The following FNBP1L variants were observed in gnomAD, a reference collection of about 807,000 sequenced individuals.
FNBP1L encodes the protein formin binding protein 1 like, also known as formin-binding protein 1-like.
In FNBP1L, 36 loss-of-function variants were observed where a neutral mutation model predicts 91.2. The observed-to-expected ratio is 0.39, with a 90% CI of 0.30 to 0.52. The LOEUF (loss-of-function observed/expected upper bound fraction) is 0.52. Among genes scored for constraint, FNBP1L ranks in the 20% least tolerant of loss-of-function variants. The probability of loss-of-function intolerance (pLI) is 0.66; values close to 1 mark genes in which losing one functional copy is unlikely to be tolerated. For missense variants in FNBP1L, 571 were observed against 732.1 expected (o/e 0.78, Z 2.54); for synonymous variants, 242 against 237.0 (o/e 1.02, Z -0.19).
chr1:93,475,707 AC>A (rs1220588497), intron 1 of FNBP1L, among the ~76,000 whole-genome samples: 4 of 152,216 alleles, frequency 2.6e-5, no homozygotes, highest in African/African-American at 7.2e-5. Flanking sequence ...AATTAACATA[AC>A]TTGTAAAGGA....
At chr1:93,511,584 G>A (rs1344936126) in intron 2 of FNBP1L, among the ~76,000 whole-genome samples, 1 of 152,082 alleles carries the variant, frequency 6.6e-6, no homozygotes, top group Non-Finnish European at 1.5e-5. Flanking sequence ...CATAATGACA[G>A]GATCAAATTC....
chr1:93,498,854 A>C (rs1310219167), intron 1 of FNBP1L, among the ~76,000 whole-genome samples: 4 of 152,182 alleles, frequency 2.6e-5, no homozygotes, highest in Non-Finnish European at 5.9e-5. Flanking sequence ...TGGGACTTCC[A>C]TTTTAAGATG....
intron 3 of FNBP1L, among the ~76,000 whole-genome samples, chr1:93,522,672 G>A (rs560072023): frequency 6.6e-6 from 1 of 152,262 alleles, no homozygotes; most frequent in African/African-American, 2.4e-5. Flanking sequence ...ATAATTGTCA[G>A]TTGTTAGGAT....
intron 1 of FNBP1L, among the ~76,000 whole-genome samples, chr1:93,461,712 A>G (rs1668871829): frequency 6.6e-6 from 1 of 152,248 alleles, no homozygotes; most frequent in African/African-American, 2.4e-5. Context: ...AAGAAGAGGA[A>G]TAGGTATAAG....
intron 1 of FNBP1L, among the ~76,000 whole-genome samples, chr1:93,465,718 C>T (rs1336168199): frequency 2.6e-5 from 4 of 152,146 alleles, no homozygotes; most frequent in Non-Finnish European, 5.9e-5. Flanking sequence ...GGTATATACC[C>T]AGTAATGGGA....
chr1:93,449,123 C>CTCCTT (rs1188799802), intron 1 of FNBP1L, among the ~76,000 whole-genome samples: 1 of 152,260 alleles, frequency 6.6e-6, no homozygotes, highest in Non-Finnish European at 1.5e-5. Flanking sequence ...CCTTCGTTCT[C>CTCCTT]TCCTTTCCTT....
At chr1:93,534,637 A>G (rs1671786977) in intron 8 of FNBP1L, 68 bp from the exon 9 acceptor site, 2 of 1,034,388 alleles carry the variant, frequency 1.9e-6, no homozygotes, top group East Asian at 5.2e-5. Flanking sequence ...GTACTGAAAA[A>G]GTTATGAAAG....
intron 1 of FNBP1L, among the ~76,000 whole-genome samples, chr1:93,456,214 T>A (rs1668651758): frequency 6.6e-6 from 1 of 152,220 alleles, no homozygotes; most frequent in Non-Finnish European, 1.5e-5. Flanking sequence ...ATGTAAAGTG[T>A]CCATGTTGAA....
chr1:93,499,013 A>G (rs1670357508), intron 1 of FNBP1L, among the ~76,000 whole-genome samples: 1 of 152,194 alleles, frequency 6.6e-6, no homozygotes, highest in Non-Finnish European at 1.5e-5. Context: ...CATGGTGCTT[A>G]GGCTGTGGGG....
At chr1:93,448,489 G>T (rs1005951311) in intron 1 of FNBP1L, among the ~76,000 whole-genome samples, 184 bp downstream of exon 1, 13 of 152,186 alleles carry the variant, frequency 8.5e-5, no homozygotes, top group South Asian at 2.1e-4. Flanking sequence ...CGGGGGTCTA[G>T]GGGGCCGCTA....
chr1:93,452,668 GTCCT>G (rs1557770687), intron 1 of FNBP1L, among the ~76,000 whole-genome samples: 1 of 152,112 alleles, frequency 6.6e-6, no homozygotes, highest in Admixed American at 6.5e-5. Context: ...CTCCACAATC[GTCCT>G]TCCTTAAGCT....
At position 93,550,949 on chromosome 1, in the gene FNBP1L, C is replaced by A. The variant is rs766231347; in HGVS notation, c.1654C>A (p.His552Asn). The A allele has an allele frequency of 3.2e-6, 5 of 1,576,462 alleles. No homozygotes were observed. The highest frequency in any genetic ancestry group is 4.3e-6 in the Non-Finnish European group (5 of 1,161,422). The change falls in exon 16 of 17, where the codon CAT becomes AAT. Residue 552 changes from histidine to asparagine, a missense_variant and splice_region_variant. His to Asn is a moderately conservative substitution (Grantham distance 68). Around this residue, in one of 5 missense-constraint regions of FNBP1L, gnomAD observed 189 missense variants for 219.7 expected, o/e 0.86. Coordinates refer to ENST00000271234, the MANE Select transcript of FNBP1L (RefSeq NM_001164473.3). ...HCKAIYPFDG[H>N]NEGTLAMKEG... ...TGCTTGTGAAAACTCTCATCTAGGA[C>A]ATAATGAAGGTACTCTAGCAATGAA...
chr1:93,491,794 G>A (rs1570798653), intron 1 of FNBP1L, among the ~76,000 whole-genome samples: 1 of 151,874 alleles, frequency 6.6e-6, no homozygotes, highest in Non-Finnish European at 1.5e-5. Context: ...CACAATTATA[G>A]GCTTCTGTTA....
At chr1:93,450,725 A>C (rs1170391103) in intron 1 of FNBP1L, among the ~76,000 whole-genome samples, 1 of 152,260 alleles carries the variant, frequency 6.6e-6, no homozygotes, top group African/African-American at 2.4e-5. Flanking sequence ...ATTTAGAATC[A>C]CATTACTGTC....
At chr1:93,515,666 C>T (rs1421224994) in intron 2 of FNBP1L, among the ~76,000 whole-genome samples, 1 of 148,614 alleles carries the variant, frequency 6.7e-6, no homozygotes, top group Non-Finnish European at 1.5e-5. Flanking sequence ...ATCGCAAGCA[C>T]AAAAAACCAA....
At chr1:93,450,559 C>A (rs1380341991) in intron 1 of FNBP1L, among the ~76,000 whole-genome samples, 1 of 152,244 alleles carries the variant, frequency 6.6e-6, no homozygotes, top group East Asian at 1.9e-4. Context: ...TATGCTTCCT[C>A]TTTTTACTGT....
At chr1:93,529,117 A>G (rs914987430) in intron 5 of FNBP1L, among the ~76,000 whole-genome samples, 10 of 152,120 alleles carry the variant, frequency 6.6e-5, no homozygotes, top group African/African-American at 2.4e-4. Context: ...TCACCAAAAA[A>G]GTATAAAAAT....
In FNBP1L at chr1:93,534,678, T is replaced by A. The variant is rs780428558; in HGVS notation, c.787-27T>A. ...GTAGAATTATGAGCAAGTGAAACAGTTTTAAAACCTAGTTTCTTTTGTATA... is the reference window on the plus strand; with the variant it reads ...GTAGAATTATGAGCAAGTGAAACAGATTTAAAACCTAGTTTCTTTTGTATA... On this transcript the variant is annotated intron_variant, in intron 8 of 16. Transcript: ENST00000271234. 4 of 1,504,582 alleles carry A rather than the reference T, an allele frequency of 2.7e-6. No homozygotes were observed. The Admixed American group carries it at 8.2e-5, about 31-fold the overall frequency. 93.2% of individuals were successfully genotyped at this position (1,504,582 alleles called of 1,614,324 possible).
intron 11 of FNBP1L, among the ~76,000 whole-genome samples, chr1:93,542,911 G>A (rs1164535372): frequency 2.0e-5 from 3 of 150,976 alleles, no homozygotes; most frequent in Admixed American, 1.3e-4. Context: ...AGCCTCTCAC[G>A]AGTAGCTGGG....
Sources: gnomAD v4.1 joint callset for allele counts (sites outside exome capture counted in the v4.1 genomes callset) on GRCh38, gnomAD v4.1.1 for gene constraint, gnomAD v4.1.1 regional missense constraint, MANE v1.5 for transcripts, NCBI Gene and HGNC (gene_info 2026-07-23, HGNC 2026-07-21) for gene names.